CLVS1: variants seen among roughly 807,000 people sequenced by gnomAD.
CLVS1 encodes clavesin 1, also known as clavesin-1.
Under a neutral mutation model 33.1 loss-of-function variants are expected in CLVS1, and 10 were observed. The observed-to-expected ratio is 0.30, with a 90% CI of 0.19 to 0.51. The LOEUF (loss-of-function observed/expected upper bound fraction) is 0.51. Among genes scored for constraint, CLVS1 ranks in the 20% least tolerant of loss-of-function variants. CLVS1 has a pLI of 0.97. For synonymous variants in CLVS1, 163 were observed against 166.1 expected (o/e 0.98, Z 0.14); for missense variants, 343 against 433.4 (o/e 0.79, Z 1.85).
At position 61,481,200 on chromosome 8, in the gene CLVS1, G is replaced by A. The variant is rs568413667; in HGVS notation, c.978-18255G>A. Among the ~76,000 whole-genome samples the A allele has an allele frequency of 3.2e-4, 49 of 152,222 alleles. No homozygotes were observed. In the South Asian group the frequency reaches 9.5e-3, roughly 30 times the overall value. On this transcript the variant is annotated intron_variant, in intron 5 of 5. Transcript: ENST00000325897. ...AATGTGCAGCTGTCCATCTCCCTGA[G>A]CCCTAGCTCTGCAATTTGGTGTATA...
the CLVS1 span, among the ~76,000 whole-genome samples, chr8:60,984,545 C>T: frequency 6.6e-6 from 1 of 152,136 alleles, no homozygotes; most frequent in East Asian, 1.9e-4. Flanking sequence ...CCAGGCTGGT[C>T]TCGAACTCCT....
rs1807111562 is a variant in CLVS1, at chr8:61,176,354, C to G, written c.-152+44494C>G. Among the ~76,000 whole-genome samples the G allele has an allele frequency of 2.6e-5, 4 of 152,208 alleles. No homozygotes were observed. The South Asian group carries it at 8.3e-4, about 32-fold the overall frequency. On this transcript the variant is annotated intron_variant, in intron 2 of 2. Transcript: ENST00000522621. ...CAGTCAGCTCCACCTGGCTCACACACTAACCCCGGACTCATAAACAAGCCC... is the reference window on the plus strand; with the variant it reads ...CAGTCAGCTCCACCTGGCTCACACAGTAACCCCGGACTCATAAACAAGCCC...
At chr8:61,244,784 A>G (rs1245820130) in intron 2 of CLVS1, among the ~76,000 whole-genome samples, 1 of 152,144 alleles carries the variant, frequency 6.6e-6, no homozygotes, top group Non-Finnish European at 1.5e-5. Context: ...ATTTTTCTGT[A>G]AACCTAAAAC....
chr8:61,085,728 C>CAAAAAA (rs57456582), intron 1 of CLVS1, among the ~76,000 whole-genome samples: 2 of 115,106 alleles, frequency 1.7e-5, no homozygotes, highest in Non-Finnish European at 3.8e-5. Context: ...CCATCCCTAC[C>CAAAAAA]AAAAAAAAAA....
chr8:61,401,503 A>G (rs1025822552), intron 3 of CLVS1, among the ~76,000 whole-genome samples: 17 of 152,184 alleles, frequency 1.1e-4, no homozygotes, highest in Admixed American at 3.3e-4. Context: ...TTAAATAGGG[A>G]AATGAAGGAC....
intron 3 of CLVS1, chr8:61,377,264 TTGTA>T (rs1585884196): frequency 6.6e-6 from 1 of 152,490 alleles, no homozygotes; most frequent in African/African-American, 2.4e-5. Flanking sequence ...TACCTCCTGT[TTGTA>T]TGACCACTTA....
chr8:61,246,078 T>C (rs975223288), intron 2 of CLVS1, among the ~76,000 whole-genome samples: 5 of 151,374 alleles, frequency 3.3e-5, no homozygotes, highest in Admixed American at 6.6e-5. Context: ...AGCACTGTCT[T>C]ATATGTTTTA....
intron 3 of CLVS1, among the ~76,000 whole-genome samples, chr8:61,394,685 G>T (rs1053356366): frequency 6.6e-6 from 1 of 152,100 alleles, no homozygotes; most frequent in Admixed American, 6.5e-5. Flanking sequence ...TCCATACCTC[G>T]CCAGCAGCAC....
Position 61,202,448 on chromosome 8 carries a change from T to G in CLVS1, c.-152+70588T>G, listed in dbSNP as rs192158880. 239 of 787,050 alleles carry G rather than the reference T, an allele frequency of 3.0e-4. 3 individuals are homozygous for G. In the East Asian group the frequency reaches 5.6e-3, roughly 19 times the overall value. The allele number at this position is 787,050 out of a possible 1,614,324, so 48.8% of individuals were successfully genotyped here. A position where few individuals can be genotyped will look rare whatever the true frequency, so the allele number is the denominator to read the frequency against. Reference sequence around the variant, plus strand: ...GCTGACAAAGATTGTCACTTTAAGGTGGATAATGATGAAAATGAGCGCCAG... The same window carrying G: ...GCTGACAAAGATTGTCACTTTAAGGGGGATAATGATGAAAATGAGCGCCAG... On this transcript the variant is annotated intron_variant, in intron 2 of 2. Transcript: ENST00000522621.
intron 2 of CLVS1, among the ~76,000 whole-genome samples, chr8:61,281,537 C>T (rs1388873517): frequency 6.6e-6 from 1 of 152,176 alleles, no homozygotes; most frequent in Admixed American, 6.5e-5. Context: ...ACCAATCCTG[C>T]TGGCACCCTG....
intron 1 of CLVS1, among the ~76,000 whole-genome samples, chr8:61,095,191 T>C (rs1473994172): frequency 6.6e-6 from 1 of 152,204 alleles, no homozygotes; most frequent in Non-Finnish European, 1.5e-5. Context: ...CTAGGTGAGC[T>C]GTGAATTTTT....
At chr8:61,253,591 A>T (rs374021404) in intron 2 of CLVS1, among the ~76,000 whole-genome samples, 1 of 152,160 alleles carries the variant, frequency 6.6e-6, no homozygotes, top group South Asian at 2.1e-4. Flanking sequence ...TTCACATAGT[A>T]CCATATTTCT....
chr8:61,105,287 A>T (rs1274726495), intron 1 of CLVS1, among the ~76,000 whole-genome samples: 1 of 152,242 alleles, frequency 6.6e-6, no homozygotes, highest in Non-Finnish European at 1.5e-5. Flanking sequence ...ACTATTGGTT[A>T]TAGCTTACAC....
At chr8:61,172,666 G>A (rs1158461044) in intron 2 of CLVS1, among the ~76,000 whole-genome samples, 3 of 152,086 alleles carry the variant, frequency 2.0e-5, no homozygotes, top group Admixed American at 1.3e-4. Flanking sequence ...GCTGCCATAC[G>A]AATCTTTAAA....
intron 2 of CLVS1, among the ~76,000 whole-genome samples, chr8:61,255,186 A>G (rs1809051249): frequency 6.6e-6 from 1 of 152,204 alleles, no homozygotes; most frequent in Non-Finnish European, 1.5e-5. Flanking sequence ...AGAATATTTC[A>G]GTGGGAAGAA....
At chr8:61,157,286 T>TA (rs199522686) in intron 2 of CLVS1, among the ~76,000 whole-genome samples, 2,526 of 152,270 alleles carry the variant, frequency 0.017, 29 homozygotes, top group African/African-American at 0.024. Context: ...TAAAACGATT[T>TA]ACAGGGAAAG....
At chr8:61,019,855 A>G in the CLVS1 span, among the ~76,000 whole-genome samples, 1 of 152,142 alleles carries the variant, frequency 6.6e-6, no homozygotes, top group Non-Finnish European at 1.5e-5. Context: ...GTGGTTGGGT[A>G]TGGATACAGT....
chr8:61,003,698 G>A, the CLVS1 span, among the ~76,000 whole-genome samples: 1 of 152,168 alleles, frequency 6.6e-6, no homozygotes, highest in Non-Finnish European at 1.5e-5. Context: ...CATTATGACT[G>A]TTTTGGCTTT....
chr8:61,469,718 A>G (rs1817672648), intron 5 of CLVS1, among the ~76,000 whole-genome samples: 1 of 152,254 alleles, frequency 6.6e-6, no homozygotes, highest in African/African-American at 2.4e-5. Flanking sequence ...GTGTGGGAAC[A>G]GGAGGACCGT....
Sources: gnomAD v4.1 joint callset for allele counts (sites outside exome capture counted in the v4.1 genomes callset) on GRCh38, gnomAD v4.1.1 for gene constraint, MANE v1.5 for transcripts, NCBI Gene and HGNC (gene_info 2026-07-23, HGNC 2026-07-21) for gene names.